The following CHCHD6 variants were observed in gnomAD, a reference collection of about 807,000 sequenced individuals.
CHCHD6 encodes MICOS complex subunit MIC25.
In CHCHD6, 28 loss-of-function variants were observed where a neutral mutation model predicts 32.3. The observed-to-expected ratio is 0.87, with a 90% CI of 0.64 to 1.19. The LOEUF (loss-of-function observed/expected upper bound fraction) is 1.19, where lower values mean the gene tolerates loss of function less well. Among genes scored for constraint, CHCHD6 ranks in the 50% most tolerant of loss-of-function variants. CHCHD6 has a pLI of 0.00. For synonymous variants in CHCHD6, 122 were observed against 117.5 expected (o/e 1.04, Z -0.25); for missense variants, 333 against 307.0 (o/e 1.08, Z -0.63).
chr3:126,796,069 G>A (rs1397893559), intron 4 of CHCHD6, among the ~76,000 whole-genome samples: 2 of 152,182 alleles, frequency 1.3e-5, no homozygotes, highest in East Asian at 1.9e-4. Context: ...TCTTGGCCAG[G>A]TGTAGTGGCT....
chr3:126,895,755 A>C (rs1576569669), intron 5 of CHCHD6, among the ~76,000 whole-genome samples: 1 of 151,528 alleles, frequency 6.6e-6, no homozygotes, highest in Non-Finnish European at 1.5e-5. Flanking sequence ...CCCATCCCCC[A>C]CCCCTTCCAG....
At chr3:126,812,478 C>T (rs1185330282) in intron 4 of CHCHD6, among the ~76,000 whole-genome samples, 1 of 151,860 alleles carries the variant, frequency 6.6e-6, no homozygotes, top group Non-Finnish European at 1.5e-5. Flanking sequence ...GGCTGGAGTG[C>T]AGTGGCGCGA....
chr3:126,713,482 T>C (rs78999040), intron 1 of CHCHD6, among the ~76,000 whole-genome samples: 13,878 of 152,240 alleles, frequency 0.091, 738 homozygotes, highest in Admixed American at 0.16. Flanking sequence ...GCAGGGACAC[T>C]TGATCCTGCG....
At chr3:126,922,427 T>A (rs1006710034) in intron 6 of CHCHD6, among the ~76,000 whole-genome samples, 3 of 152,232 alleles carry the variant, frequency 2.0e-5, no homozygotes, top group African/African-American at 7.2e-5. Flanking sequence ...CACATTTGCT[T>A]ACAGACACAC....
chr3:126,808,175 C>A (rs573258298), intron 4 of CHCHD6, among the ~76,000 whole-genome samples: 11 of 152,154 alleles, frequency 7.2e-5, no homozygotes, highest in Non-Finnish European at 1.3e-4. Flanking sequence ...TGTCTGAATT[C>A]AATTCCTTGT....
intron 4 of CHCHD6, among the ~76,000 whole-genome samples, chr3:126,820,820 G>C (rs1443065012): frequency 6.6e-6 from 1 of 152,148 alleles, no homozygotes; most frequent in Non-Finnish European, 1.5e-5. Context: ...ATTTTCTGCT[G>C]TCAGTTGTCT....
At chr3:126,752,371 G>T (rs4679290) in intron 4 of CHCHD6, among the ~76,000 whole-genome samples, 1 of 152,182 alleles carries the variant, frequency 6.6e-6, no homozygotes. Context: ...TCTGGGATCC[G>T]GTCTCTTCCT....
intron 4 of CHCHD6, among the ~76,000 whole-genome samples, chr3:126,775,161 TG>T (rs1007291915): frequency 1.3e-5 from 2 of 152,228 alleles, no homozygotes; most frequent in African/African-American, 4.8e-5. Flanking sequence ...TTCAAAGATT[TG>T]GTTCACATTA....
In CHCHD6 at chr3:126,800,159, T is replaced by C. The variant is rs190581497; in HGVS notation, c.412-52488T>C. 3.5e-3 allele frequency among the ~76,000 whole-genome samples: 526 copies of C among 152,312 alleles called. 2 individuals carry two copies. Among genetic ancestry groups the C allele is most frequent in the Non-Finnish European group, 5.6e-3 (379 of 68,030 alleles). On this transcript the variant is annotated intron_variant, in intron 4 of 7. Transcript: ENST00000290913. ...CTCATATGCACATTTAAAATTGTGA[T>C]ATATATTATCAGATAAGTTTCTAGG...
intron 4 of CHCHD6, among the ~76,000 whole-genome samples, chr3:126,819,374 GT>G (rs1286993137): frequency 6.6e-6 from 1 of 152,188 alleles, no homozygotes; most frequent in Non-Finnish European, 1.5e-5. Flanking sequence ...TGCCAGCCAG[GT>G]TTCTGGATGC....
intron 6 of CHCHD6, among the ~76,000 whole-genome samples, chr3:126,956,749 T>C (rs930759416): frequency 6.6e-6 from 1 of 152,236 alleles, no homozygotes; most frequent in Non-Finnish European, 1.5e-5. Flanking sequence ...TTACTCACTT[T>C]TGTGGGTTCT....
At chr3:126,926,723 G>A (rs1402948281) in intron 6 of CHCHD6, among the ~76,000 whole-genome samples, 2 of 152,168 alleles carry the variant, frequency 1.3e-5, no homozygotes, top group Admixed American at 6.5e-5. Context: ...CATCCTGCAG[G>A]CAGTGGCAAG....
intron 4 of CHCHD6, among the ~76,000 whole-genome samples, chr3:126,779,913 C>T (rs1937850336): frequency 6.6e-6 from 1 of 152,318 alleles, no homozygotes; most frequent in East Asian, 1.9e-4. Context: ...TAGCATCCAG[C>T]TCAGTATCTA....
At chr3:126,854,587 CT>C (rs1441510281) in intron 5 of CHCHD6, among the ~76,000 whole-genome samples, 5 of 152,262 alleles carry the variant, frequency 3.3e-5, no homozygotes, top group Non-Finnish European at 5.9e-5. Context: ...TTAGCTGTTG[CT>C]TTTATATGAT....
At chr3:126,850,821 G>A (rs1941447248) in intron 4 of CHCHD6, among the ~76,000 whole-genome samples, 1 of 152,216 alleles carries the variant, frequency 6.6e-6, no homozygotes, top group South Asian at 2.1e-4. Flanking sequence ...GAGAGGCCCA[G>A]CGCAGATTAG....
At chr3:126,794,128 T>A (rs903881256) in intron 4 of CHCHD6, among the ~76,000 whole-genome samples, 14 of 152,074 alleles carry the variant, frequency 9.2e-5, no homozygotes, top group Admixed American at 2.6e-4. Flanking sequence ...CTCTACAGGG[T>A]TTTCTTTCAT....
intron 4 of CHCHD6, among the ~76,000 whole-genome samples, chr3:126,743,674 A>G (rs1936376317): frequency 6.6e-6 from 1 of 152,142 alleles, no homozygotes; most frequent in Non-Finnish European, 1.5e-5. Context: ...CTGAGTGCCC[A>G]CTGGAGCCCA....
intron 4 of CHCHD6, among the ~76,000 whole-genome samples, chr3:126,850,528 A>C (rs956532064): frequency 6.6e-6 from 1 of 152,130 alleles, no homozygotes; most frequent in Non-Finnish European, 1.5e-5. Context: ...CCTGGTAGCC[A>C]CGGCCCAGAG....
intron 5 of CHCHD6, among the ~76,000 whole-genome samples, chr3:126,894,484 T>G (rs938321972): frequency 6.6e-6 from 1 of 152,078 alleles, no homozygotes; most frequent in East Asian, 1.9e-4. Flanking sequence ...AGGAACAGGA[T>G]GGATGGGAGC....
Sources: allele counts gnomAD v4.1 joint callset (sites outside exome capture counted in the v4.1 genomes callset), GRCh38; gene constraint gnomAD v4.1.1; transcripts MANE v1.5; gene names NCBI Gene and HGNC (gene_info 2026-07-23, HGNC 2026-07-21).